The following RNF150 variants were observed in gnomAD, a reference collection of about 807,000 sequenced individuals.
The protein encoded by RNF150 is ring finger protein 150.
Under a neutral mutation model 39.3 loss-of-function variants are expected in RNF150, and 24 were observed. The ratio of observed to expected loss-of-function variants is 0.61; its 90% CI spans 0.44 to 0.86. RNF150 has a LOEUF of 0.86. Among genes scored for constraint, RNF150 ranks in the 40% least tolerant of loss-of-function variants. RNF150 has a pLI of 0.00. For synonymous variants in RNF150, 255 were observed against 227.3 expected, an observed-to-expected ratio of 1.12 and a Z score of -1.10; for missense variants, 502 against 587.8, an observed-to-expected ratio of 0.85 and a Z score of 1.51.
At chr4:141,115,405 G>T (rs1382070275) in intron 1 of RNF150, among the ~76,000 whole-genome samples, 1 of 152,034 alleles carries the variant, frequency 6.6e-6, no homozygotes, top group African/African-American at 2.4e-5. Context: ...GCTACAAAGA[G>T]AATAAAATAC....
At chr4:141,194,226 T>C (rs1006550168) in intron 1 of RNF150, among the ~76,000 whole-genome samples, 8 of 152,198 alleles carry the variant, frequency 5.3e-5, no homozygotes, top group Admixed American at 6.5e-5. Context: ...TTACTATGAA[T>C]ACAACTGGAG....
chr4:140,917,882 G>A (rs1362334851), intron 5 of RNF150, among the ~76,000 whole-genome samples: 2 of 151,948 alleles, frequency 1.3e-5, no homozygotes, highest in African/African-American at 4.8e-5. Flanking sequence ...TCCGGATTAA[G>A]AAACTCACTC....
At chr4:141,189,749 C>G (rs1418252017) in intron 1 of RNF150, among the ~76,000 whole-genome samples, 5 of 152,164 alleles carry the variant, frequency 3.3e-5, no homozygotes, top group Non-Finnish European at 7.3e-5. Context: ...GCCCCTCCCA[C>G]CACCAAGCTG....
intron 1 of RNF150, among the ~76,000 whole-genome samples, chr4:141,164,361 C>A (rs897129033): frequency 2.6e-5 from 4 of 151,608 alleles, no homozygotes; most frequent in African/African-American, 4.9e-5. Context: ...CAGAATAGAA[C>A]CAAATTAGAA....
Position 141,132,687 on chromosome 4 carries a change from G to T in RNF150, c.122C>A (p.Thr41Asn), listed in dbSNP as rs776427643. ...GGCGTAGGTGATGTTCACGAAGGCGGTGTACCATTCCTCCTTCTCGGCCAC... is the reference window on the plus strand; with the variant it reads ...GGCGTAGGTGATGTTCACGAAGGCGTTGTACCATTCCTCCTTCTCGGCCAC... ...FTVAEKEEWY[T>N]AFVNITYAEP... is the part of the protein sequence containing the mutation. Residue 41 changes from threonine (T) to asparagine (N), a missense_variant, in exon 1 of 7, where the codon ACC becomes AAC. By Grantham distance (65) the Thr-to-Asn change is moderately conservative (BLOSUM62 0). Coordinates refer to ENST00000515673, the MANE Select transcript of RNF150 (RefSeq NM_020724.2). This position sits in a 1 kb window ranked among gnomAD's most constrained non-coding sequence, Gnocchi z 4.9. 6.2e-7 allele frequency: 1 copy of T among 1,609,214 alleles called. No homozygotes were observed. Among genetic ancestry groups the T allele is most frequent in the Non-Finnish European group, 8.5e-7 (1 of 1,178,238 alleles).
intron 1 of RNF150, among the ~76,000 whole-genome samples, chr4:141,150,981 G>C (rs908229772): frequency 6.6e-6 from 1 of 152,032 alleles, no homozygotes; most frequent in African/African-American, 2.4e-5. Flanking sequence ...AGGGAGGCTG[G>C]AGTGTCATGG....
chr4:140,905,330 T>A (rs1162044975), intron 6 of RNF150, among the ~76,000 whole-genome samples: 4 of 152,134 alleles, frequency 2.6e-5, no homozygotes, highest in African/African-American at 9.7e-5. Flanking sequence ...TCAAGACATT[T>A]AGGAACTAAT....
chr4:140,951,560 T>A (rs1169293619), intron 2 of RNF150, among the ~76,000 whole-genome samples: 1 of 149,836 alleles, frequency 6.7e-6, no homozygotes, highest in African/African-American at 2.4e-5. Context: ...TGTTTTTTTT[T>A]TTTTTTGCAA....
chr4:141,062,596 C>T (rs1163831172), intron 1 of RNF150, among the ~76,000 whole-genome samples: 1 of 152,126 alleles, frequency 6.6e-6, no homozygotes, highest in African/African-American at 2.4e-5. Flanking sequence ...TTATCAAGAG[C>T]TTCTGCATAA....
At chr4:141,163,959 G>A (rs1370222671) in intron 1 of RNF150, among the ~76,000 whole-genome samples, 2 of 152,060 alleles carry the variant, frequency 1.3e-5, no homozygotes, top group African/African-American at 4.8e-5. Context: ...TGAGTTTGAC[G>A]AATTGACAGC....
At chr4:140,900,202 T>A (rs934645107) in intron 6 of RNF150, among the ~76,000 whole-genome samples, 2 of 152,206 alleles carry the variant, frequency 1.3e-5, no homozygotes, top group Non-Finnish European at 2.9e-5. Context: ...GCTTTATTCA[T>A]AGAGCAGTTG....
chr4:141,179,832 C>A (rs185846563), intron 1 of RNF150, among the ~76,000 whole-genome samples: 1 of 152,212 alleles, frequency 6.6e-6, no homozygotes, highest in East Asian at 1.9e-4. Context: ...ATAATAAAAG[C>A]CATCACATAT....
intron 1 of RNF150, among the ~76,000 whole-genome samples, chr4:140,999,196 A>G (rs1003669580): frequency 2.0e-5 from 3 of 152,130 alleles, no homozygotes; most frequent in Admixed American, 6.6e-5. Flanking sequence ...AACTATGACA[A>G]CTCCTGTTGT....
intron 1 of RNF150, among the ~76,000 whole-genome samples, chr4:140,997,663 C>T (rs372993442): frequency 1.3e-5 from 1 of 74,660 alleles, no homozygotes; most frequent in African/African-American, 3.3e-5. Flanking sequence ...TGCAGTGAGC[C>T]AAGATTGCGC....
At chr4:141,030,067 G>A (rs897236106) in intron 1 of RNF150, among the ~76,000 whole-genome samples, 6 of 151,970 alleles carry the variant, frequency 3.9e-5, no homozygotes, top group South Asian at 2.1e-4. Context: ...GTGGTGGCAG[G>A]TGCCTTAGTC....
intron 5 of RNF150, among the ~76,000 whole-genome samples, chr4:140,918,870 T>G (rs1015162185): frequency 1.3e-5 from 2 of 152,170 alleles, no homozygotes; most frequent in South Asian, 2.1e-4. Flanking sequence ...GGGATGAAAG[T>G]CTGGATCAAC....
chr4:140,967,907 G>C, intron 1 of RNF150, 34 bp from the exon 2 acceptor site: 1 of 1,602,648 alleles, frequency 6.2e-7, no homozygotes, highest in Non-Finnish European at 8.5e-7. Flanking sequence ...GGCAATAAAG[G>C]TTAGGGGATA....
chr4:141,036,287 T>C (rs969900761), intron 1 of RNF150, among the ~76,000 whole-genome samples: 1 of 152,204 alleles, frequency 6.6e-6, no homozygotes, highest in African/African-American at 2.4e-5. Context: ...ATTTGTTGAA[T>C]GGATAGGCAA....
chr4:141,184,809 G>A (rs1277196143), intron 1 of RNF150, among the ~76,000 whole-genome samples: 1 of 151,808 alleles, frequency 6.6e-6, no homozygotes, highest in African/African-American at 2.4e-5. Context: ...AGATCAGATG[G>A]TTGTAGATGT....
Sources: allele counts gnomAD v4.1 joint callset (sites outside exome capture counted in the v4.1 genomes callset), GRCh38; gene constraint gnomAD v4.1.1; non-coding constraint Gnocchi (gnomAD v3.1); transcripts MANE v1.5; gene names NCBI Gene and HGNC (gene_info 2026-07-23, HGNC 2026-07-21).